The following FRMD4B variants were observed in gnomAD, a reference collection of about 807,000 sequenced individuals.
The protein encoded by FRMD4B is FERM domain containing 4B.
In FRMD4B, 74 loss-of-function variants were observed where a neutral mutation model predicts 141.5. That is an observed-to-expected ratio of 0.52 (90% CI 0.43 to 0.63). The LOEUF (loss-of-function observed/expected upper bound fraction) is 0.63, where lower values mean the gene tolerates loss of function less well. Ranked by LOEUF, FRMD4B falls within the 30% of genes least tolerant of loss-of-function variation. The pLI, the probability that FRMD4B is intolerant of heterozygous loss-of-function variation, is 0.00. For synonymous variants in FRMD4B, 506 were observed against 467.9 expected (o/e 1.08, Z -1.05); for missense variants, 1,366 against 1,253.4 (o/e 1.09, Z -1.36).
At chr3:69,432,566 C>T (rs1388057700) in intron 2 of FRMD4B, 1 of 147,316 alleles carries the variant, frequency 6.8e-6, no homozygotes, top group African/African-American at 2.4e-5. Flanking sequence ...TGCAAACACA[C>T]ATAAACTCAC....
At chr3:69,428,254 C>T (rs1172893909) in intron 2 of FRMD4B, among the ~76,000 whole-genome samples, 1 of 151,538 alleles carries the variant, frequency 6.6e-6, no homozygotes, top group Non-Finnish European at 1.5e-5. Context: ...ATCTCACTAG[C>T]TGTGTGACCT....
At position 69,443,781 on chromosome 3, in the gene FRMD4B, T is replaced by G. The variant is rs115681907; in HGVS notation, c.-128-11020A>C. ...TTAAAGCAAGAATGATAATAGCCCT[T>G]CTGCAAACTAAACTGCCTTTGTAAA... On this transcript the variant is annotated intron_variant, in intron 1 of 5. Coordinates refer to the FRMD4B transcript ENST00000459638. Among the ~76,000 whole-genome samples, 652 of 152,300 alleles carry G rather than the reference T, an allele frequency of 4.3e-3. 5 individuals are homozygous for G. The highest frequency in any genetic ancestry group is 0.015 in the African/African-American group (610 of 41,556).
intron 2 of FRMD4B, among the ~76,000 whole-genome samples, chr3:69,429,047 C>T (rs943273558): frequency 1.3e-5 from 2 of 152,160 alleles, no homozygotes; most frequent in African/African-American, 4.8e-5. Flanking sequence ...ACCATTTTGG[C>T]AGCTTTTTTC....
rs559077812 is a variant in FRMD4B at position 69,299,816 on chromosome 3, A to G, written c.416+2527T>C. Among the ~76,000 whole-genome samples, 26 of 151,952 alleles carry G rather than the reference A, an allele frequency of 1.7e-4. No homozygotes were observed. In the South Asian group the frequency reaches 5.4e-3, roughly 32 times the overall value. The stretch of plus-strand genomic sequence containing the variant: ...TTCATTGTGCATTAACTATTTGGTG[A>G]CTACACATCTCGGTGTCCATGAATG... On this transcript the variant is annotated intron_variant, in intron 4 of 22. Transcript: ENST00000398540.
At chr3:69,494,782 C>A (rs1706357621) in intron 1 of FRMD4B, among the ~76,000 whole-genome samples, 1 of 152,070 alleles carries the variant, frequency 6.6e-6, no homozygotes, top group South Asian at 2.1e-4. Flanking sequence ...ATCCCAGCTA[C>A]TTGGGAGGCT....
At chr3:69,529,565 C>A (rs970981435) in intron 1 of FRMD4B, among the ~76,000 whole-genome samples, 1 of 152,194 alleles carries the variant, frequency 6.6e-6, no homozygotes, top group Non-Finnish European at 1.5e-5. Context: ...CTCCTCTCCA[C>A]ACCCATCCTC....
In FRMD4B at chr3:69,181,721, A is replaced by G. The variant is rs1210007307; in HGVS notation, c.2040-11T>C. 14 of 1,574,728 alleles carry G rather than the reference A, an allele frequency of 8.9e-6. No individual in the cohort carries two copies. The highest frequency in any genetic ancestry group is 1.2e-5 in the Non-Finnish European group (14 of 1,152,930). On this transcript the variant is annotated splice_polypyrimidine_tract_variant and intron_variant, in intron 20 of 22. Coordinates refer to ENST00000398540, the MANE Select transcript of FRMD4B (RefSeq NM_015123.3). ...GATGAAGATTCGGGTCTGAAAGAGG[A>G]GAAAGGCAAACTTCTCAACACCAAG...
Position 69,505,908 on chromosome 3 carries a change from G to A in FRMD4B, c.-129+36298C>T, listed in dbSNP as rs908157575. 3.2e-4 allele frequency among the ~76,000 whole-genome samples: 49 copies of A among 152,172 alleles called. 1 individual carries two copies. Among genetic ancestry groups the A allele is most frequent in the Admixed American group, 3.2e-3 (49 of 15,270 alleles). The stretch of plus-strand genomic sequence containing the variant: ...ACCAGGCTTAAGCCTTAGTCAGTGT[G>A]AATCCTGGATAATGTTTACAAATAG... On this transcript the variant is annotated intron_variant, in intron 1 of 5. Coordinates refer to the FRMD4B transcript ENST00000459638.
At chr3:69,424,476 A>ACAT (rs1331734195) in intron 2 of FRMD4B, among the ~76,000 whole-genome samples, 5 of 152,190 alleles carry the variant, frequency 3.3e-5, no homozygotes, top group Non-Finnish European at 7.3e-5. Flanking sequence ...TTATTAAGGC[A>ACAT]CATGTGCCTT....
chr3:69,339,493 G>T (rs944180826), intron 1 of FRMD4B, among the ~76,000 whole-genome samples: 13 of 152,146 alleles, frequency 8.5e-5, no homozygotes, highest in Admixed American at 7.9e-4. Context: ...AGGAGAATTC[G>T]TGGAAAGCAC....
intron 1 of FRMD4B, among the ~76,000 whole-genome samples, chr3:69,329,158 G>A (rs1559808675): frequency 1.3e-5 from 2 of 152,084 alleles, no homozygotes; most frequent in African/African-American, 4.8e-5. Flanking sequence ...GAGAGACCAC[G>A]TGATAAAGAT....
chr3:69,472,449 G>A (rs764239019), intron 1 of FRMD4B: 45 of 443,514 alleles, frequency 1.0e-4, no homozygotes, highest in Middle Eastern at 7.0e-4. Context: ...AAGGCCAAAC[G>A]GAAGACCAGC....
At chr3:69,511,108 G>T (rs76629952) in intron 1 of FRMD4B, among the ~76,000 whole-genome samples, 1 of 151,928 alleles carries the variant, frequency 6.6e-6, no homozygotes, top group East Asian at 1.9e-4. Flanking sequence ...TAGATATGTC[G>T]CCCTGATCAA....
intron 1 of FRMD4B, among the ~76,000 whole-genome samples, chr3:69,380,368 T>C (rs1173215187): frequency 6.6e-6 from 1 of 152,116 alleles, no homozygotes; most frequent in South Asian, 2.1e-4. Flanking sequence ...GGAACTAGTC[T>C]CACCTATAAA....
chr3:69,332,077 A>G (rs1018655940), intron 1 of FRMD4B, among the ~76,000 whole-genome samples: 2 of 151,862 alleles, frequency 1.3e-5, no homozygotes, highest in Non-Finnish European at 2.9e-5. Flanking sequence ...ACACAGCAAG[A>G]CTCCATCTCA....
intron 2 of FRMD4B, among the ~76,000 whole-genome samples, chr3:69,418,603 G>A (rs1052076964): frequency 1.3e-5 from 2 of 152,154 alleles, no homozygotes; most frequent in African/African-American, 4.8e-5. Flanking sequence ...GTTGTGGAGG[G>A]GGCCACATGT....
chr3:69,218,038 A>G (rs2093158124), intron 10 of FRMD4B, among the ~76,000 whole-genome samples: 1 of 152,152 alleles, frequency 6.6e-6, no homozygotes, highest in African/African-American at 2.4e-5. Flanking sequence ...TTCAAACAAA[A>G]GCACTCTCAA....
chr3:69,374,680 A>T (rs1703917795), intron 1 of FRMD4B, among the ~76,000 whole-genome samples: 1 of 152,220 alleles, frequency 6.6e-6, no homozygotes, highest in Non-Finnish European at 1.5e-5. Context: ...TAAAGCAACT[A>T]AAAGTTGTAA....
Position 69,336,107 on chromosome 3 carries a change from G to GT in FRMD4B, c.163-22591_163-22590insA, listed in dbSNP as rs371569443. Among the ~76,000 whole-genome samples the GT allele has an allele frequency of 7.4e-3, 1,124 of 151,916 alleles. 17 individuals carry two copies. Among genetic ancestry groups the GT allele is most frequent in the African/African-American group, 0.025 (1,021 of 41,386 alleles). ...CAAGAACCAATTATAACTTCCCTTG[G>GT]GGGGTGAAGTCACCCTATGGAGAAT... On this transcript the variant is annotated intron_variant, in intron 1 of 22. Transcript: ENST00000398540.
Sources: allele counts gnomAD v4.1 joint callset (sites outside exome capture counted in the v4.1 genomes callset), GRCh38; gene constraint gnomAD v4.1.1; transcripts MANE v1.5; gene names NCBI Gene and HGNC (gene_info 2026-07-23, HGNC 2026-07-21).